Variants in KIF14 observed in about 807,000 individuals in gnomAD.
KIF14 encodes kinesin family member 14, also known as kinesin-like protein KIF14.
KIF14 carries 98 observed loss-of-function variants against 176.2 expected under a neutral mutation model. That is an observed-to-expected ratio of 0.56 (90% CI 0.47 to 0.66). KIF14 has a LOEUF of 0.66. Among genes scored for constraint, KIF14 ranks in the 30% least tolerant of loss-of-function variants. The pLI, the probability that KIF14 is intolerant of heterozygous loss-of-function variation, is 0.00. For missense variants in KIF14, 1,751 were observed against 1,920.4 expected (o/e 0.91, Z 1.65); for synonymous variants, 566 against 632.2 (o/e 0.90, Z 1.57).
intron 20 of KIF14, 67 bp downstream of exon 20, chr1:200,581,131 AAAG>A (rs1658425172): frequency 8.9e-6 from 7 of 788,850 alleles, no homozygotes; most frequent in South Asian, 1.9e-5. Flanking sequence ...AAAAAAAAAA[AAAG>A]AGAAACTAAA....
intron 25 of KIF14, among the ~76,000 whole-genome samples, 161 bp downstream of exon 25, chr1:200,564,908 T>C (rs905586910): frequency 5.3e-5 from 8 of 152,242 alleles, no homozygotes; most frequent in African/African-American, 1.9e-4. Flanking sequence ...TAAGTCTTTG[T>C]TTAACAAATC....
In KIF14 at chr1:200,552,643, C is replaced by T. The variant is rs2102542433; in HGVS notation, c.*745G>A. 6.6e-6 allele frequency: 1 copy of T among 152,130 alleles called. No homozygotes were observed. Among genetic ancestry groups the T allele is most frequent in the East Asian group, 1.9e-4 (1 of 5,184 alleles). The allele number at this position is 152,130 out of a possible 1,614,324, so 9.4% of individuals were successfully genotyped here. A position where few individuals can be genotyped will look rare whatever the true frequency, so the allele number is the denominator to read the frequency against. On this transcript the variant is annotated 3_prime_UTR_variant, in exon 30 of 30. Transcript: ENST00000367350. Reference sequence around the variant, plus strand: ...TTATAATTTGGAAAGAAACAGGAAGCTACACCCTTGAACATACTATTCAAA... The same window carrying T: ...TTATAATTTGGAAAGAAACAGGAAGTTACACCCTTGAACATACTATTCAAA...
At position 200,618,029 on chromosome 1, in the gene KIF14, G is replaced by A; in HGVS notation, c.695C>T (p.Ser232Leu). The stretch of plus-strand genomic sequence containing the variant: ...AGTAGGTTTCGTTGTCAAGTGTCCT[G>A]ATCTAACAACTTCAGTCTGACTCAG... ...ASLSQTEVVR[S>L]GHLTTKPTQS... Residue 232 changes from serine (S) to leucine (L), a missense_variant, in exon 2 of 30, where the codon TCA (serine) becomes TTA (leucine). Coordinates refer to ENST00000367350, the MANE Select transcript of KIF14 (RefSeq NM_014875.3). The A allele has an allele frequency of 6.2e-7, 1 of 1,614,130 alleles. No homozygotes were observed.
At position 200,592,193 on chromosome 1, in the gene KIF14, A is replaced by G. The variant is rs1659088439; in HGVS notation, c.2700T>C (p.His900=). ...TTTTTCCTTTCTGGACTTCTACTGG[A>G]TGATTAAATCTAAAATAATGATCTC... ...LGGDHYFRFN[H]PVEVQKGKRP... Residue 900 remains histidine, a synonymous_variant, in exon 16 of 30, where the codon CAT becomes CAC. Coordinates refer to ENST00000367350, the MANE Select transcript of KIF14 (RefSeq NM_014875.3). 8.1e-6 allele frequency: 13 copies of G among 1,613,856 alleles called. 1 individual carries two copies. The East Asian group carries it at 2.9e-4, about 36-fold the overall frequency.
intron 23 of KIF14, among the ~76,000 whole-genome samples, 165 bp from the exon 24 acceptor site, chr1:200,565,834 AT>A (rs1360912299): frequency 6.6e-6 from 1 of 152,220 alleles, no homozygotes; most frequent in Non-Finnish European, 1.5e-5. Flanking sequence ...AACTATTAGT[AT>A]ATATAACATC....
At chr1:200,557,277 C>CAA (rs1206920130) in intron 27 of KIF14, among the ~76,000 whole-genome samples, 1 of 152,184 alleles carries the variant, frequency 6.6e-6, no homozygotes, top group Non-Finnish European at 1.5e-5. Flanking sequence ...GCTGGGATGA[C>CAA]AGGCATGAGC....
At chr1:200,580,169 T>C in intron 21 of KIF14, 85 bp downstream of exon 21, 2 of 703,044 alleles carry the variant, frequency 2.8e-6, no homozygotes, top group East Asian at 3.6e-5. Flanking sequence ...TTTATATATA[T>C]ACTTTTTTCA....
intron 14 of KIF14, among the ~76,000 whole-genome samples, 179 bp downstream of exon 14, chr1:200,598,058 G>C (rs1339761390): frequency 1.3e-5 from 2 of 152,040 alleles, no homozygotes; most frequent in Non-Finnish European, 2.9e-5. Context: ...TTTATATTGA[G>C]AGTAACTGAC....
At chr1:200,574,937 A>ATTTTTTTTTTTT (rs35584654) in intron 22 of KIF14, among the ~76,000 whole-genome samples, 1 of 110,680 alleles carries the variant, frequency 9.0e-6, no homozygotes, top group Non-Finnish European at 1.8e-5. Context: ...AGAAAGGGTA[A>ATTTTTTTTTTTT]TTTTTTTTTT....
chr1:200,589,189 G>T (rs779128929), intron 18 of KIF14, 28 bp downstream of exon 18: 1 of 1,558,166 alleles, frequency 6.4e-7, no homozygotes, highest in South Asian at 1.2e-5. Context: ...TCTCAGAATA[G>T]AGTTAACTGG....
Position 200,554,384 on chromosome 1 carries a change from C to T in KIF14, c.4567+84G>A, listed in dbSNP as rs1295446492. The T allele has an allele frequency of 8.8e-6, 8 of 912,372 alleles. No homozygotes were observed. In the Admixed American group the frequency reaches 1.5e-4, roughly 17 times the overall value. 56.5% of individuals were successfully genotyped at this position (912,372 alleles called of 1,614,324 possible). A position where few individuals can be genotyped will look rare whatever the true frequency, so the allele number is the denominator to read the frequency against. On this transcript the variant is annotated intron_variant, in intron 29 of 29. Transcript: ENST00000367350. ...CCAGCCTGAGTGACAGAGCGAGACTCCATCTCAAAAAAAAAAAGGAAAGAT... is the reference window on the plus strand; with the variant it reads ...CCAGCCTGAGTGACAGAGCGAGACTTCATCTCAAAAAAAAAAAGGAAAGAT...
intron 19 of KIF14, 23 bp from the exon 20 acceptor site, chr1:200,581,317 G>A (rs757974927): frequency 7.2e-7 from 1 of 1,389,978 alleles, no homozygotes; most frequent in Non-Finnish European, 1.0e-6. Context: ...ACACAGAAAA[G>A]ATTCAAAATA....
chr1:200,608,965 G>A lies in KIF14; in HGVS notation c.1456-37C>T, dbSNP rs2794409. The A allele has an allele frequency of 0.95, 1,180,818 of 1,242,848 alleles. 561,805 individuals carry two copies. Among genetic ancestry groups the A allele is most frequent in the Non-Finnish European group, 0.96 (828,582 of 860,796 alleles). The allele number at this position is 1,242,848 out of a possible 1,614,324, so 77.0% of individuals were successfully genotyped here. On this transcript the variant is annotated intron_variant, in intron 4 of 29. Coordinates refer to ENST00000367350, the MANE Select transcript of KIF14 (RefSeq NM_014875.3). ...AGAAACACAGCATATAATTTATTTT[G>A]ATGTTTTGCAAATCATATCTGTGGT... is the stretch of plus-strand genomic sequence containing the variant.
intron 25 of KIF14, among the ~76,000 whole-genome samples, chr1:200,561,732 C>T (rs1657170786): frequency 6.6e-6 from 1 of 152,090 alleles, no homozygotes; most frequent in African/African-American, 2.4e-5. Flanking sequence ...AGACCTTACA[C>T]ACTAATAGGA....
chr1:200,606,354 T>C (rs1033418617), intron 6 of KIF14, among the ~76,000 whole-genome samples: 8 of 152,160 alleles, frequency 5.3e-5, no homozygotes, highest in African/African-American at 9.7e-5. Flanking sequence ...TGCATCAAAC[T>C]CTTAACTCTT....
At chr1:200,606,607 G>A (rs1659892702) in intron 6 of KIF14, 139 bp downstream of exon 6, 1 of 739,354 alleles carries the variant, frequency 1.4e-6, no homozygotes, top group African/African-American at 1.9e-5. Flanking sequence ...CAATATCAAG[G>A]GTAGAAGGCT....
chr1:200,593,126 G>A (rs1463093762), intron 15 of KIF14, among the ~76,000 whole-genome samples: 3 of 152,118 alleles, frequency 2.0e-5, no homozygotes, highest in Admixed American at 1.3e-4. Context: ...ATAATAACAA[G>A]AGACATTCAT....
rs1221652252 is a variant in KIF14, at chr1:200,569,971, C to A, written c.3601G>T (p.Gly1201Cys). 1 of 1,603,388 alleles carries A rather than the reference C, an allele frequency of 6.2e-7. No individual in the cohort carries two copies. Among genetic ancestry groups the A allele is most frequent in the South Asian group, 1.1e-5 (1 of 89,708 alleles). Reference protein sequence around the residue: ...RSLMKNRRISGCLHDIQVHPI... With the variant: ...RSLMKNRRISCCLHDIQVHPI... Reference sequence around the variant, plus strand: ...TGGACTTGTATGTCATGTAAACAACCAGAAATTCTTCTGTTCTTCATCAAA... The same window carrying A: ...TGGACTTGTATGTCATGTAAACAACAAGAAATTCTTCTGTTCTTCATCAAA... Residue 1201 changes from glycine to cysteine, a missense_variant, in exon 23 of 30, where the codon GGT becomes TGT. By Grantham distance (159) the Gly-to-Cys change is radical. Coordinates refer to ENST00000367350, the MANE Select transcript of KIF14 (RefSeq NM_014875.3).
rs1486318268 is a variant in KIF14, at chr1:200,615,358, T to C, written c.1364A>G (p.Tyr455Cys). The C allele has an allele frequency of 5.6e-6, 9 of 1,610,002 alleles. No homozygotes were observed. The highest frequency in any genetic ancestry group is 2.2e-5 in the East Asian group (1 of 44,824). Residue 455 changes from tyrosine (Y) to cysteine (C), a missense_variant, in exon 3 of 30, where the codon TAT becomes TGT. Coordinates refer to ENST00000367350, the MANE Select transcript of KIF14 (RefSeq NM_014875.3). ...TTGCATTTCCAATACAACTTACGTA[T>C]ATGATTTTCCAGAGCCAGTCTGACC... ...AYGQTGSGKS[Y>C]TMMGFSEEPG...
Sources: allele counts gnomAD v4.1 joint callset (sites outside exome capture counted in the v4.1 genomes callset), GRCh38; gene constraint gnomAD v4.1.1; transcripts MANE v1.5; gene names NCBI Gene and HGNC (gene_info 2026-07-23, HGNC 2026-07-21).